The following MAN1A1 variants were observed in gnomAD, a reference collection of about 807,000 sequenced individuals.
The protein encoded by MAN1A1 is mannosidase alpha class 1A member 1.
In MAN1A1, 29 loss-of-function variants were observed where a neutral mutation model predicts 70.8. That is an observed-to-expected ratio of 0.41 (90% CI 0.31 to 0.56). The LOEUF is 0.56. Ranked by LOEUF, MAN1A1 falls within the 20% of genes least tolerant of loss-of-function variation. The probability of loss-of-function intolerance (pLI) is 0.29; values close to 1 mark genes in which losing one functional copy is unlikely to be tolerated. For missense variants in MAN1A1, 747 were observed against 841.3 expected (o/e 0.89, Z 1.39); for synonymous variants, 349 against 330.1 (o/e 1.06, Z -0.62).
At chr6:119,328,433 T>G (rs776394126) in intron 2 of MAN1A1, among the ~76,000 whole-genome samples, 1 of 152,256 alleles carries the variant, frequency 6.6e-6, no homozygotes, top group Admixed American at 6.5e-5. Flanking sequence ...TTCACAGGGT[T>G]GGACTGTTAA....
intron 2 of MAN1A1, among the ~76,000 whole-genome samples, chr6:119,326,491 G>T (rs891358702): frequency 6.6e-6 from 1 of 152,166 alleles, no homozygotes; most frequent in Non-Finnish European, 1.5e-5. Flanking sequence ...ATGCAGGCTC[G>T]GATGCCTGCC....
At chr6:119,195,629 C>T (rs1346871204) in intron 8 of MAN1A1, among the ~76,000 whole-genome samples, 1 of 152,182 alleles carries the variant, frequency 6.6e-6, no homozygotes, top group African/African-American at 2.4e-5. Context: ...GAGACCAGAC[C>T]TATTATGTTT....
At chr6:119,276,696 T>C (rs1471108043) in intron 5 of MAN1A1, among the ~76,000 whole-genome samples, 1 of 152,226 alleles carries the variant, frequency 6.6e-6, no homozygotes, top group Non-Finnish European at 1.5e-5. Context: ...AAGTCACTAT[T>C]TAATAATCAT....
chr6:119,310,576 G>T (rs187234329), intron 2 of MAN1A1, among the ~76,000 whole-genome samples: 7 of 152,274 alleles, frequency 4.6e-5, no homozygotes, highest in African/African-American at 1.7e-4. Flanking sequence ...CTCACTAATG[G>T]ATGGGATGAG....
At chr6:119,288,023 G>A (rs1776426118) in intron 5 of MAN1A1, among the ~76,000 whole-genome samples, 1 of 151,948 alleles carries the variant, frequency 6.6e-6, no homozygotes, top group South Asian at 2.1e-4. Context: ...TTGAATATGT[G>A]CCTGTAATCA....
intron 7 of MAN1A1, among the ~76,000 whole-genome samples, chr6:119,203,063 G>GTCAT (rs1773760445): frequency 6.6e-6 from 1 of 152,106 alleles, no homozygotes; most frequent in African/African-American, 2.4e-5. Context: ...GACAGTTCTC[G>GTCAT]TCATCTACAA....
chr6:119,273,642 G>A (rs1430423454), intron 5 of MAN1A1, among the ~76,000 whole-genome samples: 2 of 152,086 alleles, frequency 1.3e-5, no homozygotes, highest in African/African-American at 4.8e-5. Context: ...AAGAGTAACT[G>A]GAGCTAAAAG....
chr6:119,286,064 T>C (rs1309393932), intron 5 of MAN1A1, among the ~76,000 whole-genome samples: 1 of 152,160 alleles, frequency 6.6e-6, no homozygotes, highest in Non-Finnish European at 1.5e-5. Flanking sequence ...TAATATGCCC[T>C]AACTTTATTC....
chr6:119,283,593 A>T (rs746599218), intron 5 of MAN1A1, among the ~76,000 whole-genome samples: 8 of 151,192 alleles, frequency 5.3e-5, no homozygotes, highest in Admixed American at 1.3e-4. Context: ...GCAGCCAGGG[A>T]AGGCCTCGGA....
intron 2 of MAN1A1, among the ~76,000 whole-genome samples, chr6:119,312,673 C>T (rs1403329382): frequency 6.6e-6 from 1 of 152,140 alleles, no homozygotes; most frequent in Non-Finnish European, 1.5e-5. Flanking sequence ...CAGAGCAGGT[C>T]ACAGTGGATA....
chr6:119,320,777 T>C (rs541529616), intron 2 of MAN1A1, among the ~76,000 whole-genome samples: 2 of 152,304 alleles, frequency 1.3e-5, no homozygotes, highest in African/African-American at 4.8e-5. Flanking sequence ...CAAGTAAATA[T>C]TGTTATCAAA....
chr6:119,273,784 C>T (rs184667444), intron 5 of MAN1A1, among the ~76,000 whole-genome samples: 110 of 152,150 alleles, frequency 7.2e-4, no homozygotes, highest in African/African-American at 2.6e-3. Flanking sequence ...ACATGATTTT[C>T]TGTCTTTGTT....
intron 5 of MAN1A1, among the ~76,000 whole-genome samples, chr6:119,289,570 C>T (rs1415373336): frequency 1.3e-5 from 2 of 151,808 alleles, no homozygotes; most frequent in Non-Finnish European, 2.9e-5. Context: ...CAGGGGATCA[C>T]ATTACCCTGG....
chr6:119,248,442 C>T lies in MAN1A1; in HGVS notation c.898-88G>A, dbSNP rs1775226392. The T allele has an allele frequency of 4.3e-5, 30 of 705,016 alleles. No homozygotes were observed. In the South Asian group the frequency reaches 4.6e-4, roughly 11 times the overall value. 43.7% of individuals were successfully genotyped at this position (705,016 alleles called of 1,614,324 possible). ...TTATCTAATAGTTACCACTTTTCTA[C>T]TTTAATATTTTAGTATTTTCTACTT... On this transcript the variant is annotated intron_variant, in intron 5 of 12. Transcript: ENST00000368468.
At position 119,335,854 on chromosome 6, in the gene MAN1A1, C is replaced by T. The variant is rs112230327; in HGVS notation, c.603+12609G>A. ...TCCTTCCTGGGAAGTAACAGAGATACAACTCAACAAATAAACTGATGCAGA... is the reference window on the plus strand; with the variant it reads ...TCCTTCCTGGGAAGTAACAGAGATATAACTCAACAAATAAACTGATGCAGA... On this transcript the variant is annotated intron_variant, in intron 2 of 12. Coordinates refer to ENST00000368468, the MANE Select transcript of MAN1A1 (RefSeq NM_005907.4). Among the ~76,000 whole-genome samples, 961 of 152,294 alleles carry T rather than the reference C, an allele frequency of 6.3e-3. 5 individuals are homozygous for T. Among genetic ancestry groups the T allele is most frequent in the African/African-American group, 0.022 (910 of 41,564 alleles).
At chr6:119,190,516 T>C (rs888645474) in intron 9 of MAN1A1, among the ~76,000 whole-genome samples, 8 of 152,230 alleles carry the variant, frequency 5.3e-5, no homozygotes, top group African/African-American at 1.9e-4. Context: ...GATACGACTC[T>C]GCCACATTTT....
chr6:119,230,604 C>T (rs536847337), intron 6 of MAN1A1, among the ~76,000 whole-genome samples: 36 of 152,288 alleles, frequency 2.4e-4, no homozygotes, highest in African/African-American at 7.0e-4. Flanking sequence ...TCCTGCAATT[C>T]GAAATGTTTT....
rs1416951934 is a variant in MAN1A1, at chr6:119,349,548, G to T, written c.-229C>A. On this transcript the variant is annotated 5_prime_UTR_variant, in exon 1 of 13. Transcript: ENST00000368468. ...TCGGGGAGGGGCAGCGCACCTCTGG[G>T]CAGGAGGGGCGCAGCGTGGGCGGGA... is the stretch of plus-strand genomic sequence containing the variant. 2 of 986,126 alleles carry T rather than the reference G, an allele frequency of 2.0e-6. No individual in the cohort carries two copies. Among genetic ancestry groups the T allele is most frequent in the African/African-American group, 3.5e-5 (2 of 57,246 alleles). 61.1% of individuals were successfully genotyped at this position (986,126 alleles called of 1,614,324 possible).
intron 5 of MAN1A1, among the ~76,000 whole-genome samples, chr6:119,273,941 G>C (rs939233133): frequency 4.3e-4 from 65 of 152,164 alleles, no homozygotes; most frequent in African/African-American, 1.5e-3. Flanking sequence ...AGTGGGAATT[G>C]CAACACCAAG....
Sources: gnomAD v4.1 joint callset for allele counts (sites outside exome capture counted in the v4.1 genomes callset) on GRCh38, gnomAD v4.1.1 for gene constraint, MANE v1.5 for transcripts, NCBI Gene and HGNC (gene_info 2026-07-23, HGNC 2026-07-21) for gene names.